TMF1: variants seen among roughly 807,000 people sequenced by gnomAD.
TMF1 encodes the protein TATA element modulatory factor.
In TMF1, 71 loss-of-function variants were observed where a neutral mutation model predicts 126.5. The observed-to-expected ratio is 0.56, with a 90% CI of 0.46 to 0.68. The LOEUF is 0.68. Among genes scored for constraint, TMF1 ranks in the 30% least tolerant of loss-of-function variants. The probability of loss-of-function intolerance (pLI) is 0.00; values close to 1 mark genes in which losing one functional copy is unlikely to be tolerated. For synonymous variants in TMF1, 461 were observed against 430.5 expected, an observed-to-expected ratio of 1.07 and a Z score of -0.88; for missense variants, 1,259 against 1,253.2, an observed-to-expected ratio of 1.00 and a Z score of -0.07.
rs1055772488 is a variant in TMF1 at position 69,020,275 on chromosome 3, A to G, written c.*2902T>C. On this transcript the variant is annotated 3_prime_UTR_variant, in exon 17 of 17. Coordinates refer to ENST00000398559, the MANE Select transcript of TMF1 (RefSeq NM_007114.3). ...AAGTTATCCACATTTAGAATATCTT[A>G]AGTCACAACATAGATATATTTGGTA... The G allele has an allele frequency of 5.3e-5, 8 of 152,148 alleles. No homozygotes were observed. Among genetic ancestry groups the G allele is most frequent in the African/African-American group, 1.9e-4 (8 of 41,426 alleles). The allele number at this position is 152,148 out of a possible 1,614,324, so 9.4% of individuals were successfully genotyped here. A position where few individuals can be genotyped will look rare whatever the true frequency, so the allele number is the denominator to read the frequency against.
chr3:69,034,023 C>G (rs1477969454), intron 9 of TMF1: 2 of 184,480 alleles, frequency 1.1e-5, no homozygotes, highest in African/African-American at 4.8e-5. Flanking sequence ...TCATGTTGCT[C>G]AGGCTGGCCT....
intron 10 of TMF1, among the ~76,000 whole-genome samples, chr3:69,031,214 G>T (rs2091800260): frequency 6.6e-6 from 1 of 152,188 alleles, no homozygotes; most frequent in South Asian, 2.1e-4. Flanking sequence ...ACAGAGGACA[G>T]ATTAGTGATT....
At chr3:69,034,608 T>C (rs147204297) in intron 9 of TMF1, among the ~76,000 whole-genome samples, 155 of 152,358 alleles carry the variant, frequency 1.0e-3, no homozygotes, top group African/African-American at 3.6e-3. Flanking sequence ...CAAATATTTC[T>C]AAGTATTTAT....
chr3:69,025,739 G>GT, intron 14 of TMF1, 27 bp from the exon 15 acceptor site: 2 of 1,596,638 alleles, frequency 1.3e-6, no homozygotes, highest in Admixed American at 3.5e-5. Flanking sequence ...AGTTCACACA[G>GT]TTACTCAGTT....
rs138491199 is a variant in TMF1 at position 69,031,577 on chromosome 3, G to C, written c.2402-1570C>G. Among the ~76,000 whole-genome samples the C allele has an allele frequency of 9.1e-4, 139 of 152,000 alleles. No individual in the cohort carries two copies. In the East Asian group the frequency reaches 0.026, roughly 28 times the overall value. On this transcript the variant is annotated intron_variant, in intron 10 of 16. Transcript: ENST00000398559. ...GAGATATTAGGCAATGTGTACAAAG[G>C]ACCTTTCTATATTATTTCTTATAAC...
chr3:69,047,108 G>A (rs1327780635), intron 2 of TMF1, among the ~76,000 whole-genome samples: 1 of 152,090 alleles, frequency 6.6e-6, no homozygotes, highest in Non-Finnish European at 1.5e-5. Flanking sequence ...AAATAAAGAT[G>A]TAAGATGAAA....
In TMF1 at chr3:69,027,919, T is replaced by C. The variant is rs1349744271; in HGVS notation, c.2738A>G (p.Gln913Arg). The C allele has an allele frequency of 6.4e-7, 1 of 1,573,136 alleles. No individual in the cohort carries two copies. The highest frequency in any genetic ancestry group is 8.7e-7 in the Non-Finnish European group (1 of 1,146,064). Residue 913 changes from glutamine to arginine, a missense_variant, in exon 13 of 17, where the codon CAA becomes CGA. Physicochemically the swap from Gln to Arg is conservative, Grantham distance 43 (BLOSUM62 1). Transcript: ENST00000398559. ...EQERKKAIFT[Q>R]ETIKEKERKP... ...CAATACCTTTTCTTTTATTGTTTCT[T>C]GAGTAAAAATGGCTTTCTTCCTTTC...
chr3:69,031,812 C>T (rs1050439518), intron 10 of TMF1, among the ~76,000 whole-genome samples: 2 of 152,152 alleles, frequency 1.3e-5, no homozygotes, highest in Non-Finnish European at 2.9e-5. Context: ...TGTCCTGTGG[C>T]TTTGCCTATA....
rs750019352 is a variant in TMF1, at chr3:69,048,101, C to A, written c.604G>T (p.Asp202Tyr). 1 of 1,614,188 alleles carries A rather than the reference C, an allele frequency of 6.2e-7. No homozygotes were observed. Among genetic ancestry groups the A allele is most frequent in the Admixed American group, 1.7e-5 (1 of 60,024 alleles). The part of the protein sequence containing the change: ...VSLKVSESVI[D>Y]VKTTMESISN... ...ATACTTTCCATAGTTGTTTTCACAT[C>A]AATTACACTTTCAGATACTTTCAAA... Residue 202 changes from aspartate (D) to tyrosine (Y), a missense_variant, in exon 2 of 17, where the codon GAT becomes TAT. Transcript: ENST00000398559.
chr3:69,032,051 G>A (rs1021508359), intron 10 of TMF1, among the ~76,000 whole-genome samples: 4 of 152,032 alleles, frequency 2.6e-5, no homozygotes, highest in African/African-American at 9.7e-5. Flanking sequence ...ATCTAATTCA[G>A]TTCATTTTTT....
Position 69,035,057 on chromosome 3 carries a change from T to A in TMF1, c.2210A>T (p.Asp737Val), listed in dbSNP as rs562580878. ...RTEQAAARKE[D>V]YLRHEIGELQ... ...TTCACCGATCTCATGGCGTAAATAA[T>A]CCTCCTTTCTGGCAGCCGCTTGTTC... Residue 737 changes from aspartate to valine, a missense_variant, in exon 9 of 17, where the codon GAT becomes GTT. Coordinates refer to ENST00000398559, the MANE Select transcript of TMF1 (RefSeq NM_007114.3). The A allele has an allele frequency of 6.2e-7, 1 of 1,614,118 alleles. No individual in the cohort carries two copies. Among genetic ancestry groups the A allele is most frequent in the South Asian group, 1.1e-5 (1 of 91,070 alleles).
Position 69,044,575 on chromosome 3 carries a change from T to G in TMF1, c.1368A>C (p.Glu456Asp). 1 of 1,608,504 alleles carries G rather than the reference T, an allele frequency of 6.2e-7. No homozygotes were observed. The highest frequency in any genetic ancestry group is 8.5e-7 in the Non-Finnish European group (1 of 1,178,346). ...DVCKTVEFLN[E>D]KLEKREAQLL... The stretch of plus-strand genomic sequence containing the variant: ...ACTGAGCCTCCCTTTTTTCCAGCTT[T>G]TCATTCAGAAATTCAACTGTCTGGA... The change falls in exon 3 of 17, where the codon GAA (glutamate) becomes GAC (aspartate). Residue 456 changes from glutamate (E) to aspartate (D), a missense_variant. Transcript: ENST00000398559.
intron 1 of TMF1, among the ~76,000 whole-genome samples, chr3:69,051,307 C>G (rs994325583): frequency 6.6e-5 from 10 of 151,926 alleles, no homozygotes; most frequent in African/African-American, 2.4e-4. Flanking sequence ...AAACCCCGTC[C>G]CTACTAAAAA....
In TMF1 at chr3:69,047,837, G is replaced by A; in HGVS notation, c.868C>T (p.Gln290Ter). 6.2e-7 allele frequency: 1 copy of A among 1,614,048 alleles called. No homozygotes were observed. The highest frequency in any genetic ancestry group is 8.5e-7 in the Non-Finnish European group (1 of 1,180,012). Residue 290 changes from glutamine (Q) to a stop codon, truncating the protein, a stop_gained, in exon 2 of 17, where the codon CAG (glutamine) becomes TAG (stop). Transcript: ENST00000398559. LOFTEE classifies it high-confidence loss of function. The part of the protein sequence containing the change: ...TDSKSSLHLM[Q>*]TSFQLLSASA... ...GCAGAGAGAAGCTGAAAAGATGTCT[G>A]CATCAAGTGAAGACTTGATTTTGAA...
Position 69,043,754 on chromosome 3 carries a change from T to TA in TMF1, c.1573_1574insT (p.Lys525IlefsTer14), listed in dbSNP as rs2091880146. ...ATTACTTTAAATTTCAATTACCTTT[T>TA]TAGCAGCATCTCTCTCTTTGCAGGC... On this transcript the variant is annotated frameshift_variant, in exon 4 of 17. Coordinates refer to ENST00000398559, the MANE Select transcript of TMF1 (RefSeq NM_007114.3). LOFTEE classifies it high-confidence loss of function. The TA allele has an allele frequency of 1.2e-6, 2 of 1,605,330 alleles. No homozygotes were observed. The highest frequency in any genetic ancestry group is 1.7e-6 in the Non-Finnish European group (2 of 1,176,676).
At chr3:69,032,164 C>T (rs2091806690) in intron 10 of TMF1, among the ~76,000 whole-genome samples, 1 of 152,016 alleles carries the variant, frequency 6.6e-6, no homozygotes, top group East Asian at 1.9e-4. Context: ...TAGAGAAGCC[C>T]AGCCTCTTAT....
At chr3:69,030,410 A>G (rs1435263705) in intron 10 of TMF1, 1 of 153,856 alleles carries the variant, frequency 6.5e-6, no homozygotes, top group East Asian at 1.9e-4. Context: ...AACAGAGGAG[A>G]AAGTCTTCAG....
At chr3:69,033,800 T>A in intron 9 of TMF1, 96 bp from the exon 10 acceptor site, 1 of 1,133,482 alleles carries the variant, frequency 8.8e-7, no homozygotes, top group Non-Finnish European at 1.2e-6. Flanking sequence ...TGGAAAATTA[T>A]TTTTCCAAGA....
chr3:69,033,091 A>G (rs1055504164), intron 10 of TMF1, among the ~76,000 whole-genome samples: 6 of 151,962 alleles, frequency 3.9e-5, no homozygotes, highest in African/African-American at 1.5e-4. Flanking sequence ...AGAAAAAAAA[A>G]TCGAGTGCAG....
Sources: gnomAD v4.1 joint callset for allele counts (sites outside exome capture counted in the v4.1 genomes callset) on GRCh38, gnomAD v4.1.1 for gene constraint, MANE v1.5 for transcripts, NCBI Gene and HGNC (gene_info 2026-07-23, HGNC 2026-07-21) for gene names.